Variants in CLMP observed in about 807,000 individuals in gnomAD.
CLMP encodes CXADR like cell adhesion molecule, also known as CXADR-like membrane protein.
In CLMP, 27 loss-of-function variants were observed where a neutral mutation model predicts 45.2. The ratio of observed to expected loss-of-function variants is 0.60; its 90% CI spans 0.44 to 0.82. The LOEUF (loss-of-function observed/expected upper bound fraction) is 0.82, where lower values mean the gene tolerates loss of function less well. Ranked by LOEUF, CLMP falls within the 40% of genes least tolerant of loss-of-function variation. The pLI is 0.00. For synonymous variants in CLMP, 167 were observed against 171.4 expected (o/e 0.97, Z 0.20); for missense variants, 403 against 448.4 (o/e 0.90, Z 0.91).
intron 1 of CLMP, among the ~76,000 whole-genome samples, chr11:123,103,268 CA>C (rs1860479911): frequency 6.6e-6 from 1 of 152,150 alleles, no homozygotes; most frequent in South Asian, 2.1e-4. Context: ...CCACCGGACA[CA>C]AAAATGCTCA....
At chr11:123,084,958 T>C (rs921937547) in intron 2 of CLMP, among the ~76,000 whole-genome samples, 4 of 152,216 alleles carry the variant, frequency 2.6e-5, no homozygotes, top group African/African-American at 9.6e-5. Flanking sequence ...TAAAGTATTA[T>C]ATTAAATGCT....
intron 1 of CLMP, among the ~76,000 whole-genome samples, chr11:123,181,482 A>G (rs1267994596): frequency 6.6e-6 from 1 of 152,130 alleles, no homozygotes; most frequent in Admixed American, 6.5e-5. Flanking sequence ...CTCCCTTACT[A>G]TCTTTTCCCA....
chr11:123,150,525 A>G (rs574279377), intron 1 of CLMP, among the ~76,000 whole-genome samples: 24 of 126,380 alleles, frequency 1.9e-4, no homozygotes, highest in African/African-American at 6.5e-4. Context: ...GGAAGGAAGG[A>G]AGGAAAGAAA....
chr11:123,158,140 C>CT (rs1861440216), intron 1 of CLMP, among the ~76,000 whole-genome samples: 1 of 152,124 alleles, frequency 6.6e-6, no homozygotes, highest in Non-Finnish European at 1.5e-5. Context: ...CAAAGTGCCC[C>CT]TATTGCACGG....
In CLMP at chr11:123,143,521, C is replaced by CGGG. The variant is rs58159601; in HGVS notation, c.29-45572_29-45570dup. Among the ~76,000 whole-genome samples the CGGG allele has an allele frequency of 1.4e-3, 200 of 144,752 alleles. 1 individual carries two copies. Among genetic ancestry groups the CGGG allele is most frequent in the African/African-American group, 4.5e-3 (177 of 39,240 alleles). 95.0% of individuals were successfully genotyped at this position (144,752 alleles called of 152,430 possible). ...TGCCATGTGAACCGCCTATGGGGGGCGGGGGGGGCATGAGACAGGGAACAG... is the reference window on the plus strand; with the variant it reads ...TGCCATGTGAACCGCCTATGGGGGGCGGGGGGGGGGGCATGAGACAGGGAACAG... On this transcript the variant is annotated intron_variant, in intron 1 of 6. Coordinates refer to ENST00000448775, the MANE Select transcript of CLMP (RefSeq NM_024769.5).
At chr11:123,179,174 C>T (rs957389767) in intron 1 of CLMP, among the ~76,000 whole-genome samples, 3 of 152,080 alleles carry the variant, frequency 2.0e-5, no homozygotes, top group Non-Finnish European at 2.9e-5. Context: ...TTTGTTACCT[C>T]GGTTGGTGGA....
rs146055456 is a variant in CLMP, at chr11:123,097,818, C to T, written c.163G>A (p.Asp55Asn). ...ACCACTTTTTGGTTCCCTTCATTAT[C>T]GGTGAGCAGCCATTCAATATCCAGA... ...DTLDIEWLLT[D>N]NEGNQKVVIT... The change falls in exon 2 of 7, where the codon GAT becomes AAT. Residue 55 changes from aspartate (D) to asparagine (N), a missense_variant. Physicochemically the swap from Asp to Asn is conservative, Grantham distance 23. Transcript: ENST00000448775. 3,489 of 1,598,750 alleles carry T rather than the reference C, an allele frequency of 2.2e-3. 8 individuals are homozygous for T. Among genetic ancestry groups the T allele is most frequent in the Non-Finnish European group, 2.8e-3 (3,338 of 1,172,394 alleles).
At chr11:123,128,989 T>C (rs1414723589) in intron 1 of CLMP, among the ~76,000 whole-genome samples, 1 of 152,150 alleles carries the variant, frequency 6.6e-6, no homozygotes, top group Non-Finnish European at 1.5e-5. Context: ...ACAGCCGGTG[T>C]TAAACTGAAG....
intron 1 of CLMP, among the ~76,000 whole-genome samples, chr11:123,137,760 C>G (rs1039267975): frequency 1.3e-5 from 2 of 152,140 alleles, no homozygotes; most frequent in Non-Finnish European, 2.9e-5. Context: ...TTGGGCGCCC[C>G]GAAGCTGCTG....
chr11:123,082,716 T>TTTTCCTGCC (rs61494664), intron 5 of CLMP, among the ~76,000 whole-genome samples: 3,125 of 151,380 alleles, frequency 0.021, 100 homozygotes, highest in East Asian at 0.17. Context: ...GTTCAGGAGA[T>TTTTCCTGCC]TTTCCTGCCT....
chr11:123,133,758 C>A (rs1249903281), intron 1 of CLMP, among the ~76,000 whole-genome samples: 1 of 152,090 alleles, frequency 6.6e-6, no homozygotes, highest in African/African-American at 2.4e-5. Flanking sequence ...CCTCCTTATG[C>A]CCAGAGGAAG....
intron 1 of CLMP, among the ~76,000 whole-genome samples, chr11:123,138,065 A>T (rs141086059): frequency 1.1e-4 from 17 of 152,024 alleles, no homozygotes; most frequent in Middle Eastern, 3.4e-3. Flanking sequence ...CGACTCGCTA[A>T]GCAGGGGCAG....
chr11:123,142,003 T>TC (rs1369544227), intron 1 of CLMP, among the ~76,000 whole-genome samples: 1 of 139,658 alleles, frequency 7.2e-6, no homozygotes, highest in Non-Finnish European at 1.5e-5. Flanking sequence ...TTTTTTTTTT[T>TC]TGACAGGGTC....
At position 123,103,192 on chromosome 11, in the gene CLMP, A is replaced by C. The variant is rs143610978; in HGVS notation, c.29-5240T>G. Among the ~76,000 whole-genome samples, 6 of 152,266 alleles carry C rather than the reference A, an allele frequency of 3.9e-5. No individual in the cohort carries two copies. In the East Asian group the frequency reaches 1.2e-3, roughly 29 times the overall value. ...TGGGAAATTCACTGGTTTGCACTGT[A>C]CTAAGCTAAGCTTTGTTAAGAAGGA... On this transcript the variant is annotated intron_variant, in intron 1 of 6. Transcript: ENST00000448775.
intron 1 of CLMP, among the ~76,000 whole-genome samples, chr11:123,130,216 T>A (rs534122820): frequency 1.3e-5 from 2 of 152,284 alleles, no homozygotes; most frequent in South Asian, 4.1e-4. Flanking sequence ...AATTTGAAAC[T>A]CTGGGAACTT....
At chr11:123,192,830 C>T (rs1861926808) in intron 1 of CLMP, among the ~76,000 whole-genome samples, 1 of 152,164 alleles carries the variant, frequency 6.6e-6, no homozygotes, top group Admixed American at 6.5e-5. Context: ...CAGCCAGGAT[C>T]AGAAGCAGCC....
intron 1 of CLMP, among the ~76,000 whole-genome samples, chr11:123,174,655 A>G (rs1165083408): frequency 6.6e-6 from 1 of 152,170 alleles, no homozygotes; most frequent in Admixed American, 6.5e-5. Context: ...TGGTCTATCC[A>G]TCTTCTAAAG....
At chr11:123,157,012 G>A (rs1861423483) in intron 1 of CLMP, among the ~76,000 whole-genome samples, 2 of 152,288 alleles carry the variant, frequency 1.3e-5, no homozygotes, top group South Asian at 4.2e-4. Flanking sequence ...TTACTCCCAG[G>A]AAAACAGAGG....
chr11:123,173,391 G>A (rs956355497), intron 1 of CLMP, among the ~76,000 whole-genome samples: 1 of 152,238 alleles, frequency 6.6e-6, no homozygotes, highest in Non-Finnish European at 1.5e-5. Context: ...GTAACACACA[G>A]TCTTACATGA....
Sources: gnomAD v4.1 joint callset for allele counts (sites outside exome capture counted in the v4.1 genomes callset) on GRCh38, gnomAD v4.1.1 for gene constraint, MANE v1.5 for transcripts, NCBI Gene and HGNC (gene_info 2026-07-23, HGNC 2026-07-21) for gene names.